The following P2RX5 variants were observed in gnomAD, a reference collection of about 807,000 sequenced individuals.
P2RX5 encodes P2X purinoceptor 5.
A neutral mutation model predicts 54.1 loss-of-function variants in P2RX5; 46 were observed. That is an observed-to-expected ratio of 0.85 (90% CI 0.67 to 1.09). The LOEUF (loss-of-function observed/expected upper bound fraction) is 1.09. Among genes scored for constraint, P2RX5 ranks in the 50% least tolerant of loss-of-function variants. The probability of loss-of-function intolerance (pLI) is 0.00; values close to 1 mark genes in which losing one functional copy is unlikely to be tolerated. For synonymous variants in P2RX5, 226 were observed against 226.4 expected, an observed-to-expected ratio of 1.00 and a Z score of 0.02; for missense variants, 566 against 549.8, an observed-to-expected ratio of 1.03 and a Z score of -0.29.
At chr17:3,689,949 C>T (rs2050562153) in intron 6 of P2RX5, 121 bp downstream of exon 6, 1 of 938,032 alleles carries the variant, frequency 1.1e-6, no homozygotes. Context: ...CACGCGAACA[C>T]ACGCACACAC....
intron 11 of P2RX5, among the ~76,000 whole-genome samples, chr17:3,674,106 A>C (rs572313965): frequency 3.3e-5 from 5 of 152,294 alleles, no homozygotes; most frequent in African/African-American, 9.6e-5. Context: ...CGAGGTCAGG[A>C]GATCGAGACC....
At chr17:3,683,546 C>T (rs2142998156) in intron 9 of P2RX5, among the ~76,000 whole-genome samples, 1 of 152,324 alleles carries the variant, frequency 6.6e-6, no homozygotes, top group South Asian at 2.1e-4. Flanking sequence ...GCCTGGCCAA[C>T]ATGGTGAAAC....
chr17:3,716,844 A>G, the P2RX5 span: 672,979 of 1,094,034 alleles, frequency 0.62, 212,828 homozygotes, highest in Middle Eastern at 0.78. Flanking sequence ...TGAAGCAAAC[A>G]AGGAAAAAAT....
the P2RX5 span, among the ~76,000 whole-genome samples, chr17:3,722,224 G>C: frequency 6.6e-6 from 1 of 151,808 alleles, no homozygotes; most frequent in Non-Finnish European, 1.5e-5. Flanking sequence ...GCTCACGCCT[G>C]TAATCCCAGC....
At chr17:3,712,454 A>G in the P2RX5 span, among the ~76,000 whole-genome samples, 4 of 152,202 alleles carry the variant, frequency 2.6e-5, no homozygotes, top group Non-Finnish European at 5.9e-5. Flanking sequence ...GGCAGGTGTG[A>G]GGCAGGCAGA....
chr17:3,707,931 G>A, the P2RX5 span, among the ~76,000 whole-genome samples: 7 of 151,898 alleles, frequency 4.6e-5, no homozygotes, highest in South Asian at 2.1e-4. Flanking sequence ...GGTGGCGGGC[G>A]CCTGTAGTCC....
chr17:3,674,225 G>A (rs191797273), intron 11 of P2RX5, among the ~76,000 whole-genome samples: 3 of 152,258 alleles, frequency 2.0e-5, no homozygotes, highest in Admixed American at 2.0e-4. Flanking sequence ...GCAGGGGAAT[G>A]GCGTGAACCC....
At chr17:3,684,740 C>A (rs1393069360) in intron 9 of P2RX5, among the ~76,000 whole-genome samples, 1 of 152,078 alleles carries the variant, frequency 6.6e-6, no homozygotes, top group Non-Finnish European at 1.5e-5. Context: ...AAGGGCATGT[C>A]CAAGGATGTG....
rs556456151 is a variant in P2RX5 at position 3,688,017 on chromosome 17, C to T, written c.976G>A (p.Gly326Ser). 8.3e-6 allele frequency: 13 copies of T among 1,567,906 alleles called. No individual in the cohort carries two copies. Among genetic ancestry groups the T allele is most frequent in the Non-Finnish European group, 1.1e-5 (13 of 1,150,998 alleles). ...ACAGGAGAAGGCACACGCACCTTGC[C>T]GTTCACCATCACGTCAAAGCGGATC... ...YGIRFDVMVN[G>S]KGAFFCDLVL... Residue 326 changes from glycine to serine, a missense_variant, in exon 9 of 12, where the codon GGC becomes AGC. Physicochemically the swap from Gly to Ser is moderately conservative, Grantham distance 56. Transcript: ENST00000225328.
At position 3,676,571 on chromosome 17, in the gene P2RX5, C is replaced by T. The variant is rs139868924; in HGVS notation, c.1260-2694G>A. 6 of 985,354 alleles carry T rather than the reference C, an allele frequency of 6.1e-6. No individual in the cohort carries two copies. The South Asian group carries it at 1.4e-4, about 23-fold the overall frequency. 61.0% of individuals were successfully genotyped at this position (985,354 alleles called of 1,614,324 possible). ...AGCCTCTTGGTCTCTAGGCAGCATG[C>T]GTGTAAGTCTGACCTAGAAATTGGC... On this transcript the variant is annotated intron_variant, in intron 11 of 11. Coordinates refer to ENST00000225328, the MANE Select transcript of P2RX5 (RefSeq NM_002561.4).
chr17:3,681,772 C>A, intron 10 of P2RX5, 124 bp downstream of exon 10: 1 of 734,652 alleles, frequency 1.4e-6, no homozygotes, highest in Non-Finnish European at 2.5e-6. Context: ...CACTTCTCCT[C>A]CCCGGGCCCT....
At chr17:3,714,448 G>A in the P2RX5 span, among the ~76,000 whole-genome samples, 3 of 137,986 alleles carry the variant, frequency 2.2e-5, no homozygotes, top group Non-Finnish European at 3.0e-5. Flanking sequence ...GGATAGTCTC[G>A]ATCTCTTGAC....
chr17:3,675,797 C>A, intron 11 of P2RX5: 1 of 916,092 alleles, frequency 1.1e-6, no homozygotes, highest in Non-Finnish European at 1.3e-6. Context: ...GTGATCCACC[C>A]GCCTCGGCCT....
chr17:3,690,420 C>T lies in P2RX5; in HGVS notation c.533+7G>A. ...CCCCTCAGGGTCCTGAGGCTGCAGC[C>T]ACTCACTCCGGCCTGGAGCTTGTCT... is the stretch of plus-strand genomic sequence containing the variant. On this transcript the variant is annotated splice_region_variant and intron_variant, in intron 5 of 11. Coordinates refer to ENST00000225328, the MANE Select transcript of P2RX5 (RefSeq NM_002561.4). 1.2e-6 allele frequency: 2 copies of T among 1,603,026 alleles called. No homozygotes were observed. Among genetic ancestry groups the T allele is most frequent in the South Asian group, 1.1e-5 (1 of 90,230 alleles).
At chr17:3,717,816 T>C in the P2RX5 span, 1 of 151,878 alleles carries the variant, frequency 6.6e-6, no homozygotes, top group Admixed American at 6.6e-5. Context: ...GCTTTGAGAA[T>C]AGGGAGGTAC....
At chr17:3,690,319 C>T (rs1031997751) in intron 5 of P2RX5, 108 bp downstream of exon 5, 1 of 1,126,388 alleles carries the variant, frequency 8.9e-7, no homozygotes, top group South Asian at 1.3e-5. Flanking sequence ...CAGCCTGACT[C>T]CTCCCTCAGC....
rs1183717627 is a variant in P2RX5 at position 3,690,892 on chromosome 17, G to A, written c.360+64C>T. On this transcript the variant is annotated intron_variant, in intron 3 of 11. Transcript: ENST00000225328. ...ACAGACACCCTTGCTTCAGAAGAGA[G>A]TAGACCCCAACCACTGCCGGTGGCT... The A allele has an allele frequency of 9.1e-6, 13 of 1,431,318 alleles. No homozygotes were observed. The South Asian group carries it at 1.4e-4, about 16-fold the overall frequency. 88.7% of individuals were successfully genotyped at this position (1,431,318 alleles called of 1,614,324 possible). A position where few individuals can be genotyped will look rare whatever the true frequency, so the allele number is the denominator to read the frequency against.
chr17:3,681,867 C>CG (rs771377211), intron 10 of P2RX5, 29 bp downstream of exon 10: 405 of 1,531,580 alleles, frequency 2.6e-4, no homozygotes, highest in Non-Finnish European at 3.5e-4. Context: ...GGGCTGCCCT[C>CG]GGGCCGCCGG....
intron 11 of P2RX5, chr17:3,675,596 G>A (rs1442496804): frequency 5.1e-6 from 5 of 974,248 alleles, no homozygotes; most frequent in Admixed American, 6.2e-5. Flanking sequence ...CTGTCGCCCA[G>A]GCCAGAGTGC....
Sources: allele counts gnomAD v4.1 joint callset (sites outside exome capture counted in the v4.1 genomes callset), GRCh38; gene constraint gnomAD v4.1.1; transcripts MANE v1.5; gene names NCBI Gene and HGNC (gene_info 2026-07-23, HGNC 2026-07-21).